GSAP: variants seen among roughly 807,000 people sequenced by gnomAD.
GSAP encodes gamma-secretase activating protein.
A neutral mutation model predicts 131.7 loss-of-function variants in GSAP; 118 were observed. The ratio of observed to expected loss-of-function variants is 0.90; its 90% CI spans 0.77 to 1.04. The LOEUF (loss-of-function observed/expected upper bound fraction) is 1.04, where lower values mean the gene tolerates loss of function less well. Ranked by LOEUF, GSAP falls within the 50% of genes least tolerant of loss-of-function variation. GSAP has a pLI of 0.00. For synonymous variants in GSAP, 381 were observed against 363.4 expected (o/e 1.05, Z -0.55); for missense variants, 1,019 against 1,013.2 (o/e 1.01, Z -0.08).
intron 22 of GSAP, chr7:77,328,273 A>G: frequency 9.3e-7 from 1 of 1,079,244 alleles, no homozygotes; most frequent in Non-Finnish European, 1.1e-6. Context: ...GCTAGAAAGC[A>G]AGCAGCACCA....
chr7:77,382,701 C>T (rs376630025), intron 6 of GSAP, 58 bp from the exon 7 acceptor site: 61 of 951,516 alleles, frequency 6.4e-5, no homozygotes, highest in East Asian at 4.6e-4. Context: ...ACAAGTATTT[C>T]CAAAGTTGTG....
intron 17 of GSAP, among the ~76,000 whole-genome samples, 172 bp from the exon 18 acceptor site, chr7:77,353,198 T>C (rs1183438855): frequency 1.6e-4 from 24 of 152,230 alleles, no homozygotes; most frequent in Admixed American, 1.6e-3. Context: ...GTTCAGGTTC[T>C]GCTTTTTACA....
chr7:77,333,521 C>CA (rs1386459976), intron 19 of GSAP, among the ~76,000 whole-genome samples: 5 of 152,158 alleles, frequency 3.3e-5, no homozygotes, highest in Non-Finnish European at 5.9e-5. Flanking sequence ...CAAGTTCCCC[C>CA]AAGGCATCCT....
intron 3 of GSAP, among the ~76,000 whole-genome samples, chr7:77,402,381 TAAAAA>T (rs1180045969): frequency 1.1e-5 from 1 of 92,038 alleles, no homozygotes; most frequent in East Asian, 2.8e-4. Flanking sequence ...CCATCTCTAC[TAAAAA>T]AAAAAAAAGA....
intron 1 of GSAP, among the ~76,000 whole-genome samples, chr7:77,406,964 G>A (rs1282931709): frequency 6.6e-6 from 1 of 152,200 alleles, no homozygotes; most frequent in Non-Finnish European, 1.5e-5. Flanking sequence ...CTGATAAAGA[G>A]GCCTCTAAAT....
chr7:77,362,628 C>T lies in GSAP; in HGVS notation c.904G>A (p.Ala302Thr), dbSNP rs753507198. 2 of 1,585,490 alleles carry T rather than the reference C, an allele frequency of 1.3e-6. No homozygotes were observed. Among genetic ancestry groups the T allele is most frequent in the Non-Finnish European group, 1.7e-6 (2 of 1,154,574 alleles). The change falls in exon 13 of 31, where the codon GCC becomes ACC. Residue 302 changes from alanine to threonine, a missense_variant. By Grantham distance (58) the Ala-to-Thr change is moderately conservative. Coordinates refer to ENST00000257626, the MANE Select transcript of GSAP (RefSeq NM_017439.4). Reference protein sequence around the residue: ...SLCVCYSPKCASWGQITYSVF... With the variant: ...SLCVCYSPKCTSWGQITYSVF... Reference sequence around the variant, plus strand: ...GAATATGTGATTTGTCCCCAAGAGGCACACTTCGGGCTGTAACATACACAC... The same window carrying T: ...GAATATGTGATTTGTCCCCAAGAGGTACACTTCGGGCTGTAACATACACAC...
At position 77,361,879 on chromosome 7, in the gene GSAP, T is replaced by C. The variant is rs1234103431; in HGVS notation, c.949+704A>G. On this transcript the variant is annotated intron_variant, in intron 13 of 30. Coordinates refer to ENST00000257626, the MANE Select transcript of GSAP (RefSeq NM_017439.4). ...ATAGATGTGTGAAATGGAATAAATG[T>C]ATCTTAGATCTAAAACCTGTTGAGG... 7.2e-5 allele frequency among the ~76,000 whole-genome samples: 11 copies of C among 152,194 alleles called. 1 individual carries two copies. The highest frequency in any genetic ancestry group is 1.7e-4 in the African/African-American group (7 of 41,448).
At chr7:77,340,517 G>A (rs117506661) in intron 19 of GSAP, among the ~76,000 whole-genome samples, 14,738 of 152,150 alleles carry the variant, frequency 0.097, 778 homozygotes, top group African/African-American at 0.13. Flanking sequence ...AAATCGGGTA[G>A]GCAGTCTTTT....
chr7:77,412,048 A>T (rs1803381894), intron 1 of GSAP, among the ~76,000 whole-genome samples: 1 of 152,192 alleles, frequency 6.6e-6, no homozygotes, highest in South Asian at 2.1e-4. Context: ...GCGTGGCAGC[A>T]TATGCCCGTA....
chr7:77,351,042 A>G (rs1358501821), intron 18 of GSAP: 2 of 728,794 alleles, frequency 2.7e-6, no homozygotes, highest in East Asian at 1.3e-4. Context: ...ATAAAAATTG[A>G]TATTTGTCTA....
chr7:77,385,689 G>A (rs1798462516), intron 6 of GSAP, among the ~76,000 whole-genome samples: 1 of 152,168 alleles, frequency 6.6e-6, no homozygotes, highest in African/African-American at 2.4e-5. Context: ...CTGGAATTGA[G>A]GAGCGACCAC....
At chr7:77,346,951 C>CA (rs1791997181) in intron 19 of GSAP, among the ~76,000 whole-genome samples, 1 of 148,838 alleles carries the variant, frequency 6.7e-6, no homozygotes, top group Admixed American at 6.7e-5. Context: ...CCCCCCGCCC[C>CA]ACCCCCCTGC....
At chr7:77,368,948 A>G (rs1471261180) in intron 12 of GSAP, among the ~76,000 whole-genome samples, 2 of 152,238 alleles carry the variant, frequency 1.3e-5, no homozygotes, top group African/African-American at 4.8e-5. Context: ...AAATTCATCA[A>G]TGATGAAGAT....
intron 17 of GSAP, among the ~76,000 whole-genome samples, chr7:77,353,336 T>C (rs1793173502): frequency 6.6e-6 from 1 of 152,116 alleles, no homozygotes; most frequent in Non-Finnish European, 1.5e-5. Flanking sequence ...AATAAGGTTA[T>C]AGAATCAAGA....
chr7:77,343,220 A>G (rs1432897029), intron 19 of GSAP, among the ~76,000 whole-genome samples: 1 of 152,068 alleles, frequency 6.6e-6, no homozygotes, highest in African/African-American at 2.4e-5. Context: ...AAAATCACAA[A>G]CTATGCTCAA....
At chr7:77,361,070 G>A (rs1350137958) in intron 13 of GSAP, among the ~76,000 whole-genome samples, 169 bp from the exon 14 acceptor site, 2 of 152,198 alleles carry the variant, frequency 1.3e-5, no homozygotes, top group Non-Finnish European at 2.9e-5. Context: ...AACCAGCATT[G>A]AAGGCAGATT....
chr7:77,345,689 C>T (rs113611271), intron 19 of GSAP, among the ~76,000 whole-genome samples: 10,227 of 152,238 alleles, frequency 0.067, 457 homozygotes, highest in Non-Finnish European at 0.094. Flanking sequence ...GTGACACACG[C>T]CCCTGCTCAT....
chr7:77,406,155 T>C (rs1802232303), intron 1 of GSAP, 50 bp from the exon 2 acceptor site: 1 of 1,073,818 alleles, frequency 9.3e-7, no homozygotes, highest in South Asian at 2.4e-5. Flanking sequence ...GTTAAAAACA[T>C]ATCTAACCAA....
At chr7:77,343,836 C>T (rs547116374) in intron 19 of GSAP, among the ~76,000 whole-genome samples, 6 of 152,270 alleles carry the variant, frequency 3.9e-5, no homozygotes, top group Non-Finnish European at 7.3e-5. Flanking sequence ...GGTTATAAGC[C>T]GCTAGCCCAT....
Sources: gnomAD v4.1 joint callset for allele counts (sites outside exome capture counted in the v4.1 genomes callset) on GRCh38, gnomAD v4.1.1 for gene constraint, MANE v1.5 for transcripts, NCBI Gene and HGNC (gene_info 2026-07-23, HGNC 2026-07-21) for gene names.